The following PSMB11 variants were observed in gnomAD, a reference collection of about 807,000 sequenced individuals.
PSMB11 encodes the protein proteasome subunit beta 11.
For missense variants in PSMB11, 411 were observed against 408.2 expected, an observed-to-expected ratio of 1.01 and a Z score of -0.06; for synonymous variants, 163 against 167.7, an observed-to-expected ratio of 0.97 and a Z score of 0.22.
rs2047017012 is a variant in PSMB11 at position 23,042,320 on chromosome 14, G to C, written c.95G>C (p.Gly32Ala). 6.2e-7 allele frequency: 1 copy of C among 1,613,624 alleles called. No homozygotes were observed. The highest frequency in any genetic ancestry group is 1.7e-5 in the Admixed American group (1 of 60,004). ...PRAGGWAVPR[G>A]CDPQTFLQIH... is the part of the protein sequence containing the mutation. ...GCTGGCGGCTGGGCTGTGCCCCGGG[G>C]TTGTGACCCTCAAACCTTCCTGCAG... The change falls in exon 1 of 1, where the codon GGT becomes GCT. Residue 32 changes from glycine (G) to alanine (A), a missense_variant. Coordinates refer to ENST00000408907, the MANE Select transcript of PSMB11 (RefSeq NM_001099780.2).
At position 23,042,452 on chromosome 14, in the gene PSMB11, C is replaced by T. The variant is rs751017177; in HGVS notation, c.227C>T (p.Ala76Val). ...DTRSSCGSYV[A>V]CPASCKVIPV... is the part of the protein sequence containing the mutation. ...CGTTCCTCCTGTGGCAGCTATGTGG[C>T]GTGTCCAGCCTCATGCAAGGTCATC... The change falls in exon 1 of 1, where the codon GCG (alanine) becomes GTG (valine). Residue 76 changes from alanine (A) to valine (V), a missense_variant. Coordinates refer to ENST00000408907, the MANE Select transcript of PSMB11 (RefSeq NM_001099780.2). The T allele has an allele frequency of 1.9e-5, 30 of 1,613,904 alleles. No homozygotes were observed. Among genetic ancestry groups the T allele is most frequent in the Non-Finnish European group, 2.4e-5 (28 of 1,180,040 alleles).
Position 23,042,255 on chromosome 14 carries a change from G to A in PSMB11, c.30G>A (p.Gln10=), listed in dbSNP as rs1352551411. 8.8e-6 allele frequency: 14 copies of A among 1,595,748 alleles called. No homozygotes were observed. Among genetic ancestry groups the A allele is most frequent in the Non-Finnish European group, 1.2e-5 (14 of 1,170,414 alleles). Residue 10 remains glutamine, a synonymous_variant, in exon 1 of 1, where the codon CAG becomes CAA. Coordinates refer to ENST00000408907, the MANE Select transcript of PSMB11 (RefSeq NM_001099780.2). The stretch of plus-strand genomic sequence containing the variant: ...CTCTGCAGGATGTGTGCAAGTGGCA[G>A]TCCCCTGACACCCAGGGACCATCAC... MALQDVCKW[Q]SPDTQGPSPH... is the part of the protein sequence containing the mutation.
chr14:23,042,455 G>A lies in PSMB11; in HGVS notation c.230G>A (p.Cys77Tyr), dbSNP rs780846605. 1 of 1,614,064 alleles carries A rather than the reference G, an allele frequency of 6.2e-7. No individual in the cohort carries two copies. Among genetic ancestry groups the A allele is most frequent in the South Asian group, 1.1e-5 (1 of 91,092 alleles). ...TRSSCGSYVACPASCKVIPVH... is the reference protein window; with the variant it reads ...TRSSCGSYVAYPASCKVIPVH... ...TCCTCCTGTGGCAGCTATGTGGCGT[G>A]TCCAGCCTCATGCAAGGTCATCCCT... is the stretch of plus-strand genomic sequence containing the variant. The change falls in exon 1 of 1, where the codon TGT (cysteine) becomes TAT (tyrosine). Residue 77 changes from cysteine to tyrosine, a missense_variant. Physicochemically the swap from Cys to Tyr is radical, Grantham distance 194 (BLOSUM62 -2). Coordinates refer to ENST00000408907, the MANE Select transcript of PSMB11 (RefSeq NM_001099780.2).
Sources: gnomAD v4.1 joint callset for allele counts on GRCh38, gnomAD v4.1.1 for gene constraint, MANE v1.5 for transcripts, NCBI Gene and HGNC (gene_info 2026-07-23, HGNC 2026-07-21) for gene names.